Variants in DCC observed in about 807,000 individuals in gnomAD.
DCC encodes netrin receptor DCC.
A neutral mutation model predicts 172.5 loss-of-function variants in DCC; 58 were observed. That is an observed-to-expected ratio of 0.34 (90% CI 0.27 to 0.42). The LOEUF (loss-of-function observed/expected upper bound fraction) is 0.42, where lower values mean the gene tolerates loss of function less well. Ranked by LOEUF, DCC falls within the 10% of genes least tolerant of loss-of-function variation. DCC has a pLI of 1.00. For synonymous variants in DCC, 709 were observed against 644.5 expected, an observed-to-expected ratio of 1.10 and a Z score of -1.52; for missense variants, 1,740 against 1,791.0, an observed-to-expected ratio of 0.97 and a Z score of 0.51.
chr18:52,614,229 T>C (rs1326668922), intron 1 of DCC, among the ~76,000 whole-genome samples: 1 of 152,196 alleles, frequency 6.6e-6, no homozygotes, highest in African/African-American at 2.4e-5. Flanking sequence ...ATTGCTTAGG[T>C]GGACGAAGTG....
At chr18:53,387,089 T>A (rs1482104007) in intron 16 of DCC, among the ~76,000 whole-genome samples, 1 of 152,196 alleles carries the variant, frequency 6.6e-6, no homozygotes, top group Non-Finnish European at 1.5e-5. Context: ...ATAGCAAGCA[T>A]CGGAGAACGT....
At chr18:52,803,251 C>T (rs1163688679) in intron 2 of DCC, among the ~76,000 whole-genome samples, 3 of 152,144 alleles carry the variant, frequency 2.0e-5, no homozygotes, top group Non-Finnish European at 4.4e-5. Flanking sequence ...TGCAAGAGAT[C>T]ACTTTTTCCA....
chr18:52,602,434 C>T (rs921988506), intron 1 of DCC, among the ~76,000 whole-genome samples: 3 of 54,816 alleles, frequency 5.5e-5, no homozygotes, highest in African/African-American at 1.5e-4. Flanking sequence ...ATTCAACTTA[C>T]AACATATTTC....
chr18:53,115,480 A>T (rs2043396044), intron 7 of DCC, among the ~76,000 whole-genome samples: 1 of 151,402 alleles, frequency 6.6e-6, no homozygotes, highest in Non-Finnish European at 1.5e-5. Context: ...ATTGAATGAA[A>T]TGACTAGAAG....
intron 2 of DCC, among the ~76,000 whole-genome samples, chr18:52,830,584 A>G (rs989403206): frequency 2.3e-5 from 3 of 127,764 alleles, no homozygotes; most frequent in African/African-American, 8.1e-5. Flanking sequence ...TAATAGACTA[A>G]TACCTATTAC....
intron 26 of DCC, among the ~76,000 whole-genome samples, chr18:53,490,166 G>T (rs188107330): frequency 6.6e-6 from 1 of 152,188 alleles, no homozygotes; most frequent in East Asian, 1.9e-4. Context: ...AATGAAACTT[G>T]ACCTAGATAA....
intron 12 of DCC, among the ~76,000 whole-genome samples, chr18:53,262,531 T>C (rs2056618893): frequency 6.6e-6 from 1 of 152,222 alleles, no homozygotes; most frequent in Non-Finnish European, 1.5e-5. Flanking sequence ...TGCTAAATTT[T>C]CATGCACATA....
At chr18:52,720,712 T>A (rs1383164483) in intron 1 of DCC, among the ~76,000 whole-genome samples, 2 of 152,238 alleles carry the variant, frequency 1.3e-5, no homozygotes, top group African/African-American at 4.8e-5. Context: ...GTTCTAATTA[T>A]GAAAATAATT....
intron 22 of DCC, among the ~76,000 whole-genome samples, chr18:53,448,536 G>A (rs971718035): frequency 6.6e-6 from 1 of 152,154 alleles, no homozygotes; most frequent in African/African-American, 2.4e-5. Flanking sequence ...TTCAAGATGA[G>A]ATTTAGGTGG....
At chr18:52,552,308 G>T (rs547125158) in intron 1 of DCC, among the ~76,000 whole-genome samples, 7 of 151,970 alleles carry the variant, frequency 4.6e-5, no homozygotes, top group Admixed American at 2.0e-4. Flanking sequence ...AAAAGGAATT[G>T]TTATCACAGG....
intron 1 of DCC, among the ~76,000 whole-genome samples, chr18:52,734,777 A>G (rs919584417): frequency 6.6e-6 from 1 of 152,152 alleles, no homozygotes; most frequent in Non-Finnish European, 1.5e-5. Context: ...TTCAATACTT[A>G]AAAAAAGTTA....
chr18:52,664,427 A>G (rs1277236515), intron 1 of DCC, among the ~76,000 whole-genome samples: 1 of 151,634 alleles, frequency 6.6e-6, no homozygotes, highest in Non-Finnish European at 1.5e-5. Flanking sequence ...AATGCTCCAT[A>G]AATCAGTTCA....
chr18:52,756,115 A>G (rs2037072340), intron 2 of DCC, among the ~76,000 whole-genome samples: 1 of 152,232 alleles, frequency 6.6e-6, no homozygotes, highest in African/African-American at 2.4e-5. Context: ...TCCATTTGAA[A>G]GCAACTTCAT....
chr18:52,645,105 G>C (rs546390531), intron 1 of DCC, among the ~76,000 whole-genome samples: 1 of 152,178 alleles, frequency 6.6e-6, no homozygotes, highest in East Asian at 1.9e-4. Flanking sequence ...GAGTTTTCTT[G>C]AGACATTGTA....
chr18:53,370,213 T>C (rs2058046445), intron 15 of DCC, among the ~76,000 whole-genome samples: 1 of 151,848 alleles, frequency 6.6e-6, no homozygotes, highest in Non-Finnish European at 1.5e-5. Context: ...GTCCATTTTA[T>C]CTTTGTTATC....
intron 1 of DCC, among the ~76,000 whole-genome samples, chr18:52,701,420 T>C (rs1351111430): frequency 6.6e-6 from 1 of 152,164 alleles, no homozygotes; most frequent in East Asian, 1.9e-4. Flanking sequence ...AGACAAGCTG[T>C]GGGAGTTTCC....
Position 52,762,172 on chromosome 18 carries a change from C to A in DCC, c.412+9798C>A, listed in dbSNP as rs59364146. On this transcript the variant is annotated intron_variant, in intron 2 of 28. Coordinates refer to ENST00000442544, the MANE Select transcript of DCC (RefSeq NM_005215.4). ...CAATGAGCATGTGTCAGAGAAAAGT[C>A]ACATTTAAATAGTTTGATAGGCTGG... is the stretch of plus-strand genomic sequence containing the variant. 3.3e-5 allele frequency among the ~76,000 whole-genome samples: 5 copies of A among 151,972 alleles called. No homozygotes were observed. The East Asian group carries it at 9.7e-4, about 29-fold the overall frequency.
At chr18:53,001,179 G>A (rs2041559881) in intron 5 of DCC, among the ~76,000 whole-genome samples, 1 of 151,938 alleles carries the variant, frequency 6.6e-6, no homozygotes, top group African/African-American at 2.4e-5. Context: ...TTTATCCCTG[G>A]GGTTTCTATT....
intron 2 of DCC, among the ~76,000 whole-genome samples, chr18:52,841,450 A>G (rs2038805560): frequency 6.6e-6 from 1 of 152,172 alleles, no homozygotes; most frequent in African/African-American, 2.4e-5. Flanking sequence ...CCACTAGCAG[A>G]TCCTAAATTG....
Sources: allele counts gnomAD v4.1 joint callset (sites outside exome capture counted in the v4.1 genomes callset), GRCh38; gene constraint gnomAD v4.1.1; transcripts MANE v1.5; gene names NCBI Gene and HGNC (gene_info 2026-07-23, HGNC 2026-07-21).